KITLG: variants seen among roughly 807,000 people sequenced by gnomAD.
KITLG encodes c-Kit ligand.
A neutral mutation model predicts 34.1 loss-of-function variants in KITLG; 13 were observed. The observed-to-expected ratio is 0.38, with a 90% CI of 0.25 to 0.61. The LOEUF (loss-of-function observed/expected upper bound fraction) is 0.61. Ranked by LOEUF, KITLG falls within the 20% of genes least tolerant of loss-of-function variation. KITLG has a pLI of 0.60. For synonymous variants in KITLG, 110 were observed against 104.0 expected, an observed-to-expected ratio of 1.06 and a Z score of -0.35; for missense variants, 292 against 318.9, an observed-to-expected ratio of 0.92 and a Z score of 0.64.
intron 9 of KITLG, among the ~76,000 whole-genome samples, chr12:88,500,245 A>G (rs562681545): frequency 3.1e-4 from 47 of 152,130 alleles, no homozygotes; most frequent in Non-Finnish European, 6.0e-4. Context: ...CTTTTCTCCT[A>G]TTGTTAGTGA....
At chr12:88,535,810 C>T (rs1592572359) in intron 2 of KITLG, among the ~76,000 whole-genome samples, 1 of 152,236 alleles carries the variant, frequency 6.6e-6, no homozygotes, top group African/African-American at 2.4e-5. Flanking sequence ...AAAGGACTCC[C>T]TATTCAATAA....
rs918353620 is a variant in KITLG, at chr12:88,571,097, T to C, written c.15+9167A>G. Reference sequence around the variant, plus strand: ...GAGTTAAGCTATTAGTCTCTAAGGATTGGTTTTAATTTTTTTATTTATGAA... The same window carrying C: ...GAGTTAAGCTATTAGTCTCTAAGGACTGGTTTTAATTTTTTTATTTATGAA... On this transcript the variant is annotated intron_variant, in intron 1 of 9. Coordinates refer to ENST00000644744, the MANE Select transcript of KITLG (RefSeq NM_000899.5). Among the ~76,000 whole-genome samples, 5 of 152,200 alleles carry C rather than the reference T, an allele frequency of 3.3e-5. No homozygotes were observed. In the East Asian group the frequency reaches 7.7e-4, roughly 23 times the overall value.
intron 1 of KITLG, among the ~76,000 whole-genome samples, chr12:88,561,902 C>T (rs1460276277): frequency 6.6e-6 from 1 of 152,156 alleles, no homozygotes; most frequent in Non-Finnish European, 1.5e-5. Context: ...GTTCAAATAT[C>T]ACCTTCTCAG....
chr12:88,497,271 G>T (rs1448321847), intron 9 of KITLG, 90 bp from the exon 10 acceptor site: 1 of 277,372 alleles, frequency 3.6e-6, no homozygotes, highest in African/African-American at 2.3e-5. Context: ...TATGACCACA[G>T]AATGAGTAAC....
At chr12:88,510,238 T>A (rs998133557) in intron 6 of KITLG, among the ~76,000 whole-genome samples, 1 of 152,196 alleles carries the variant, frequency 6.6e-6, no homozygotes, top group Non-Finnish European at 1.5e-5. Context: ...GTGACATGGT[T>A]ATCTTGGTGC....
At chr12:88,528,435 G>A (rs1869959921) in intron 3 of KITLG, among the ~76,000 whole-genome samples, 1 of 152,028 alleles carries the variant, frequency 6.6e-6, no homozygotes, top group Admixed American at 6.5e-5. Flanking sequence ...TATTTACATG[G>A]TATCAAAATG....
chr12:88,500,444 C>T (rs999037765), intron 9 of KITLG, among the ~76,000 whole-genome samples: 2 of 152,216 alleles, frequency 1.3e-5, no homozygotes, highest in East Asian at 3.9e-4. Flanking sequence ...ATGTATATGT[C>T]TGATTTCCTT....
chr12:88,578,175 C>A (rs1379265468), intron 1 of KITLG, among the ~76,000 whole-genome samples: 1 of 152,136 alleles, frequency 6.6e-6, no homozygotes, highest in Non-Finnish European at 1.5e-5. Flanking sequence ...TCCCCTCCTC[C>A]ATTTCTGCAG....
chr12:88,567,627 T>C (rs1292191783), intron 1 of KITLG, among the ~76,000 whole-genome samples: 1 of 152,196 alleles, frequency 6.6e-6, no homozygotes, highest in African/African-American at 2.4e-5. Flanking sequence ...AACTGTTGAT[T>C]CTATAAAGTT....
At chr12:88,563,133 A>C (rs1194999527) in intron 1 of KITLG, among the ~76,000 whole-genome samples, 1 of 152,228 alleles carries the variant, frequency 6.6e-6, no homozygotes, top group Non-Finnish European at 1.5e-5. Flanking sequence ...TAACATTTCT[A>C]AAGTAGCCAT....
chr12:88,507,509 C>A (rs1869108278), intron 6 of KITLG, among the ~76,000 whole-genome samples: 1 of 152,210 alleles, frequency 6.6e-6, no homozygotes, highest in Non-Finnish European at 1.5e-5. Flanking sequence ...CTCTTGACAG[C>A]TTGCTCAGAA....
At chr12:88,569,747 G>A (rs1490651978) in intron 1 of KITLG, among the ~76,000 whole-genome samples, 1 of 152,098 alleles carries the variant, frequency 6.6e-6, no homozygotes, top group Non-Finnish European at 1.5e-5. Context: ...CTTTACCTGT[G>A]TTGAGATGAT....
intron 9 of KITLG, among the ~76,000 whole-genome samples, chr12:88,504,217 A>G (rs1002554231): frequency 5.3e-5 from 8 of 152,170 alleles, no homozygotes; most frequent in Non-Finnish European, 1.0e-4. Flanking sequence ...GCACATTTCA[A>G]TTATGTAACA....
chr12:88,562,855 C>T (rs1871339642), intron 1 of KITLG, among the ~76,000 whole-genome samples: 3 of 152,148 alleles, frequency 2.0e-5, no homozygotes, highest in South Asian at 2.1e-4. Flanking sequence ...AATTGAAGGG[C>T]TGACCTGGCT....
At chr12:88,523,111 G>T (rs946780573) in intron 3 of KITLG, among the ~76,000 whole-genome samples, 1 of 152,130 alleles carries the variant, frequency 6.6e-6, no homozygotes, top group Non-Finnish European at 1.5e-5. Context: ...CTTCAGTCTT[G>T]CTGGAATTAG....
chr12:88,493,498 TTAGA>T lies in KITLG; in HGVS notation c.*3717_*3720del, dbSNP rs1262933130. On this transcript the variant is annotated 3_prime_UTR_variant, in exon 10 of 10. Coordinates refer to ENST00000644744, the MANE Select transcript of KITLG (RefSeq NM_000899.5). ...TGATCAAACTCCACAAATGAGCTAATTAGAATTTCAATCTGAATGGTTTTATTTT... is the reference window on the plus strand; with the variant it reads ...TGATCAAACTCCACAAATGAGCTAATATTTCAATCTGAATGGTTTTATTTT... 1 of 152,140 alleles carries T rather than the reference TTAGA, an allele frequency of 6.6e-6. No individual in the cohort carries two copies. Among genetic ancestry groups the T allele is most frequent in the East Asian group, 1.9e-4 (1 of 5,190 alleles). 9.4% of individuals were successfully genotyped at this position (152,140 alleles called of 1,614,324 possible). A position where few individuals can be genotyped will look rare whatever the true frequency, so the allele number is the denominator to read the frequency against.
Position 88,493,227 on chromosome 12 carries a change from G to A in KITLG, c.*3992C>T, listed in dbSNP as rs932582638. The A allele has an allele frequency of 7.2e-5, 11 of 152,112 alleles. No individual in the cohort carries two copies. The highest frequency in any genetic ancestry group is 5.9e-4 in the Admixed American group (9 of 15,190). 9.4% of individuals were successfully genotyped at this position (152,112 alleles called of 1,614,324 possible). On this transcript the variant is annotated 3_prime_UTR_variant, in exon 10 of 10. Transcript: ENST00000644744. ...GAGATCAAGTACTGGAAAACGGTGTGGTTTTTAGTTTAACAGTTGTTTTAA... is the reference window on the plus strand; with the variant it reads ...GAGATCAAGTACTGGAAAACGGTGTAGTTTTTAGTTTAACAGTTGTTTTAA...
chr12:88,516,443 A>G lies in KITLG; in HGVS notation c.411T>C (p.Pro137=). The change falls in exon 5 of 10, where the codon CCT becomes CCC. Residue 137 remains proline (P), a synonymous_variant. Transcript: ENST00000644744. ...TATTAAAAATTCTAAAGAATTCTTC[A>G]GGAGTAAAGAGCCTGGGTTCTGGGC... The part of the protein sequence containing the change: ...FKSPEPRLFT[P]EEFFRIFNRS... 1 of 1,607,446 alleles carries G rather than the reference A, an allele frequency of 6.2e-7. No homozygotes were observed. The highest frequency in any genetic ancestry group is 8.5e-7 in the Non-Finnish European group (1 of 1,176,400).
chr12:88,503,594 A>T, intron 9 of KITLG, among the ~76,000 whole-genome samples: 1 of 152,222 alleles, frequency 6.6e-6, no homozygotes, highest in East Asian at 1.9e-4. Flanking sequence ...ATGAATCAAT[A>T]CTGATTAAGT....
Sources: gnomAD v4.1 joint callset for allele counts (sites outside exome capture counted in the v4.1 genomes callset) on GRCh38, gnomAD v4.1.1 for gene constraint, MANE v1.5 for transcripts, NCBI Gene and HGNC (gene_info 2026-07-23, HGNC 2026-07-21) for gene names.